NTRK2: variants seen among roughly 807,000 people sequenced by gnomAD.
NTRK2 encodes BDNF/NT-3 growth factors receptor.
In NTRK2, 13 loss-of-function variants were observed where a neutral mutation model predicts 94.5. The observed-to-expected ratio is 0.14, with a 90% CI of 0.09 to 0.22. The LOEUF (loss-of-function observed/expected upper bound fraction) is 0.22, where lower values mean the gene tolerates loss of function less well. Among genes scored for constraint, NTRK2 ranks in the 10% least tolerant of loss-of-function variants. The pLI, the probability that NTRK2 is intolerant of heterozygous loss-of-function variation, is 1.00. For missense variants in NTRK2, 639 were observed against 1,071.2 expected, an observed-to-expected ratio of 0.60 and a Z score of 5.63; for synonymous variants, 372 against 407.4, an observed-to-expected ratio of 0.91 and a Z score of 1.05.
intron 6 of NTRK2, among the ~76,000 whole-genome samples, chr9:84,722,160 CTTT>C (rs36100177): frequency 4.7e-3 from 316 of 67,062 alleles, no homozygotes; most frequent in African/African-American, 0.018. Flanking sequence ...CTATTAGGGG[CTTT>C]TTTTTTTTTT....
rs183951151 is a variant in NTRK2, at chr9:84,791,427, T to C, written c.1396+39342T>C. 1.2e-3 allele frequency among the ~76,000 whole-genome samples: 182 copies of C among 152,302 alleles called. 1 individual carries two copies. Among genetic ancestry groups the C allele is most frequent in the African/African-American group, 4.2e-3 (174 of 41,580 alleles). Reference sequence around the variant, plus strand: ...TCTCTGTAGCATTCTAAAGCAAGCCTTGGTTCCATGCAGCCTCAGAAGCTA... The same window carrying C: ...TCTCTGTAGCATTCTAAAGCAAGCCCTGGTTCCATGCAGCCTCAGAAGCTA... On this transcript the variant is annotated intron_variant, in intron 12 of 18. Coordinates refer to ENST00000277120, the MANE Select transcript of NTRK2 (RefSeq NM_006180.6).
At chr9:84,838,877 A>G in intron 12 of NTRK2, among the ~76,000 whole-genome samples, 1 of 151,842 alleles carries the variant, frequency 6.6e-6, no homozygotes, top group East Asian at 1.9e-4. Flanking sequence ...AAAAATTGAA[A>G]TTCTGTACAG....
intron 14 of NTRK2, among the ~76,000 whole-genome samples, chr9:84,894,824 A>T (rs12346884): frequency 1.3e-5 from 2 of 152,130 alleles, no homozygotes; most frequent in East Asian, 1.9e-4. Flanking sequence ...GACACAATTC[A>T]TAAGCCTTTT....
intron 14 of NTRK2, among the ~76,000 whole-genome samples, chr9:84,897,339 G>T (rs867854221): frequency 1.3e-5 from 2 of 152,244 alleles, no homozygotes; most frequent in African/African-American, 2.4e-5. Context: ...GGTTCAACAT[G>T]TTGGCCAGGA....
At chr9:84,933,052 A>G in intron 14 of NTRK2, among the ~76,000 whole-genome samples, 1 of 152,180 alleles carries the variant, frequency 6.6e-6, no homozygotes, top group East Asian at 1.9e-4. Context: ...TCCTACTTGT[A>G]AAATGCAGAG....
intron 17 of NTRK2, among the ~76,000 whole-genome samples, chr9:84,979,305 G>T (rs1237131660): frequency 6.6e-6 from 1 of 152,182 alleles, no homozygotes; most frequent in East Asian, 1.9e-4. Context: ...GTATTAACAG[G>T]CATTTGGAAG....
intron 13 of NTRK2, among the ~76,000 whole-genome samples, chr9:84,864,896 A>G (rs534772271): frequency 6.6e-6 from 1 of 151,970 alleles, no homozygotes; most frequent in Non-Finnish European, 1.5e-5. Flanking sequence ...GCACGCCACC[A>G]CACCTGGCTA....
Position 84,817,132 on chromosome 9 carries a change from G to A in NTRK2, c.1397-43908G>A, listed in dbSNP as rs1171041120. On this transcript the variant is annotated intron_variant, in intron 12 of 18. Transcript: ENST00000277120. ...AGGTAAAGCCCTTGGCACATTGCCT[G>A]GCAAGTGGGACACTCGGTATTGCTA... Among the ~76,000 whole-genome samples, 5 of 152,192 alleles carry A rather than the reference G, an allele frequency of 3.3e-5. No homozygotes were observed. The East Asian group carries it at 9.6e-4, about 29-fold the overall frequency.
chr9:84,813,195 A>G, intron 12 of NTRK2: 1 of 1,048,580 alleles, frequency 9.5e-7, no homozygotes. Flanking sequence ...GGTCTCCTAA[A>G]TGAACAGAAT....
At position 84,690,731 on chromosome 9, in the gene NTRK2, A is replaced by T. The variant is rs143146022; in HGVS notation, c.213-11428A>T. On this transcript the variant is annotated intron_variant, in intron 2 of 18. Coordinates refer to ENST00000277120, the MANE Select transcript of NTRK2 (RefSeq NM_006180.6). ...GAGACTCCATCTCAAAAAAAAAAATAAAAAAAATGATAATTTATATGTTAG... is the reference window on the plus strand; with the variant it reads ...GAGACTCCATCTCAAAAAAAAAAATTAAAAAAATGATAATTTATATGTTAG... Among the ~76,000 whole-genome samples, 918 of 151,710 alleles carry T rather than the reference A, an allele frequency of 6.1e-3. 12 individuals are homozygous for T. The highest frequency in any genetic ancestry group is 0.021 in the African/African-American group (876 of 41,318).
At chr9:84,876,336 G>A in intron 14 of NTRK2, 5 of 1,052,066 alleles carry the variant, frequency 4.8e-6, no homozygotes, top group Non-Finnish European at 5.7e-6. Flanking sequence ...AAGCAGAGAT[G>A]GCACCACTAA....
intron 14 of NTRK2, among the ~76,000 whole-genome samples, chr9:84,885,791 G>A (rs1461512802): frequency 6.6e-6 from 1 of 152,180 alleles, no homozygotes; most frequent in Non-Finnish European, 1.5e-5. Flanking sequence ...ACTTTGGGAG[G>A]CCGAGGCAGG....
chr9:84,692,258 G>C (rs2060092555), intron 2 of NTRK2, among the ~76,000 whole-genome samples: 1 of 151,992 alleles, frequency 6.6e-6, no homozygotes, highest in African/African-American at 2.4e-5. Flanking sequence ...CCCATCCCTT[G>C]CTTCTCCTGG....
chr9:84,734,713 C>A (rs1210184154), intron 9 of NTRK2, among the ~76,000 whole-genome samples: 2 of 152,138 alleles, frequency 1.3e-5, no homozygotes, highest in East Asian at 1.9e-4. Context: ...CCATGTAAGA[C>A]GTGTCTTGCT....
chr9:84,838,534 G>A (rs982723966), intron 12 of NTRK2, among the ~76,000 whole-genome samples: 1 of 151,978 alleles, frequency 6.6e-6, no homozygotes, highest in African/African-American at 2.4e-5. Flanking sequence ...GTTATTATCA[G>A]ACATGGGGTT....
At chr9:84,782,420 C>G (rs563585243) in intron 12 of NTRK2, among the ~76,000 whole-genome samples, 7 of 152,340 alleles carry the variant, frequency 4.6e-5, no homozygotes, top group African/African-American at 1.7e-4. Context: ...GTTGCTGGCA[C>G]GTTCTGCGGC....
intron 12 of NTRK2, among the ~76,000 whole-genome samples, chr9:84,846,004 G>A (rs1157960911): frequency 6.6e-6 from 1 of 151,822 alleles, no homozygotes; most frequent in African/African-American, 2.4e-5. Flanking sequence ...ATTACAGAAA[G>A]GGAACCCTTC....
At chr9:84,938,837 G>T (rs139254860) in intron 15 of NTRK2, among the ~76,000 whole-genome samples, 1 of 152,162 alleles carries the variant, frequency 6.6e-6, no homozygotes, top group Non-Finnish European at 1.5e-5. Flanking sequence ...AATTGCTTGA[G>T]CTCAGGAGTT....
Position 84,723,611 on chromosome 9 carries a change from G to T in NTRK2, c.622G>T (p.Val208Leu), listed in dbSNP as rs747768342. ...SANLAAPNLT[V>L]EEGKSITLSC... ...AAATCTGGCCGCACCTAACCTCACTGTGGAGGAAGGAAAGTCTATCACATT... is the reference window on the plus strand; with the variant it reads ...AAATCTGGCCGCACCTAACCTCACTTTGGAGGAAGGAAAGTCTATCACATT... Residue 208 changes from valine to leucine, a missense_variant, in exon 7 of 19, where the codon GTG (valine) becomes TTG (leucine). Transcript: ENST00000277120. 1 of 1,613,992 alleles carries T rather than the reference G, an allele frequency of 6.2e-7. No individual in the cohort carries two copies. The highest frequency in any genetic ancestry group is 1.3e-5 in the African/African-American group (1 of 74,916).
Sources: gnomAD v4.1 joint callset for allele counts (sites outside exome capture counted in the v4.1 genomes callset) on GRCh38, gnomAD v4.1.1 for gene constraint, MANE v1.5 for transcripts, NCBI Gene and HGNC (gene_info 2026-07-23, HGNC 2026-07-21) for gene names.